ENTPD8: variants seen among roughly 807,000 people sequenced by gnomAD.
ENTPD8 encodes E-NTPDase 8.
Under a neutral mutation model 47.0 loss-of-function variants are expected in ENTPD8, and 35 were observed. The observed-to-expected ratio is 0.75, with a 90% confidence interval of 0.57 to 0.99. The LOEUF is 0.99. ENTPD8 is among the 50% of genes least tolerant of loss of function. The probability of loss-of-function intolerance (pLI) is 0.00; values close to 1 mark genes in which losing one functional copy is unlikely to be tolerated. For missense variants in ENTPD8, 668 were observed against 649.9 expected (o/e 1.03, Z -0.30); for synonymous variants, 308 against 290.5 (o/e 1.06, Z -0.61).
rs751049999 is a variant in ENTPD8, at chr9:137,438,266, T to G, written c.20A>C (p.Glu7Ala). Residue 7 changes from glutamate (E) to alanine (A), a missense_variant, in exon 2 of 10, where the codon GAG (glutamate) becomes GCG (alanine). Physicochemically the swap from Glu to Ala is moderately radical, Grantham distance 107. Coordinates refer to ENST00000371506, the MANE Select transcript of ENTPD8 (RefSeq NM_001033113.2). The surrounding 1 kb of genome is among the most constrained non-coding windows in gnomAD (Gnocchi z 5.7). ...CCCCAGCAGGGCCAAGAAGACCTGC[T>G]CCTTCCGGGACAGCCCCATGGTGCA... MGLSRK[E>A]QVFLALLGAS... The G allele has an allele frequency of 6.3e-7, 1 of 1,591,980 alleles. No homozygotes were observed. Among genetic ancestry groups the G allele is most frequent in the East Asian group, 2.3e-5 (1 of 44,222 alleles).
rs752288031 is a variant in ENTPD8 at position 137,434,610 on chromosome 9, G to GC, written c.*303dup. ...CTCCGTGGTCTTGCCCTGTTTGCAGGCAGCATGTGGCCCTGCAGTCACACA... is the reference window on the plus strand; with the variant it reads ...CTCCGTGGTCTTGCCCTGTTTGCAGGCCAGCATGTGGCCCTGCAGTCACACA... On this transcript the variant is annotated 3_prime_UTR_variant, in exon 10 of 10. Transcript: ENST00000371506. 51 of 581,090 alleles carry GC rather than the reference G, an allele frequency of 8.8e-5. No homozygotes were observed. The highest frequency in any genetic ancestry group is 1.4e-4 in the Non-Finnish European group (46 of 337,542). 36.0% of individuals were successfully genotyped at this position (581,090 alleles called of 1,614,324 possible). A position where few individuals can be genotyped will look rare whatever the true frequency, so the allele number is the denominator to read the frequency against.
rs966215450 is a variant in ENTPD8, at chr9:137,434,965, C to G, written c.1437G>C (p.Leu479=). ...VAKVVFMVLA[L]VAVVGAALVQ... ...CCAAGGCAGCCCCCACCACCGCCACCAGGGCCAGCACCATGAACACCACTT... is the reference window on the plus strand; with the variant it reads ...CCAAGGCAGCCCCCACCACCGCCACGAGGGCCAGCACCATGAACACCACTT... Residue 479 remains leucine (L), a synonymous_variant, in exon 10 of 10, where the codon CTG becomes CTC. Transcript: ENST00000371506. The G allele has an allele frequency of 2.5e-6, 4 of 1,612,808 alleles. No homozygotes were observed. The African/African-American group carries it at 4.0e-5, about 16-fold the overall frequency.
In ENTPD8 at chr9:137,434,683, TA is replaced by T; in HGVS notation, c.*230del. ...GGCGGCCTGTGTGCAGAAAGGCACCTACGGCCCTGGAAGCCCAGTTGCGGAA... is the reference window on the plus strand; with the variant it reads ...GGCGGCCTGTGTGCAGAAAGGCACCTCGGCCCTGGAAGCCCAGTTGCGGAA... On this transcript the variant is annotated 3_prime_UTR_variant, in exon 10 of 10. Transcript: ENST00000371506. 1.6e-6 allele frequency: 1 copy of T among 635,678 alleles called. No individual in the cohort carries two copies. Among genetic ancestry groups the T allele is most frequent in the Non-Finnish European group, 2.6e-6 (1 of 378,592 alleles). 39.4% of individuals were successfully genotyped at this position (635,678 alleles called of 1,614,324 possible). A position where few individuals can be genotyped will look rare whatever the true frequency, so the allele number is the denominator to read the frequency against.
Position 137,435,211 on chromosome 9 carries a change from C to A in ENTPD8, c.1289G>T (p.Arg430Leu). ...CCCAGGGGAGGCAGTCACCTGCTTT[C>A]GGAACTCGAGGCTGGGCCAGGTCTC... ...SEETWPSLEFRKQAGGVDIGW... is the reference protein window; with the variant it reads ...SEETWPSLEFLKQAGGVDIGW... Residue 430 changes from arginine (R) to leucine (L), a missense_variant, in exon 9 of 10, where the codon CGA becomes CTA. Physicochemically the swap from Arg to Leu is moderately radical, Grantham distance 102. Coordinates refer to ENST00000371506, the MANE Select transcript of ENTPD8 (RefSeq NM_001033113.2). 1.9e-6 allele frequency: 3 copies of A among 1,610,818 alleles called. No homozygotes were observed. The highest frequency in any genetic ancestry group is 2.5e-6 in the Non-Finnish European group (3 of 1,179,364).
chr9:137,434,740 G>A lies in ENTPD8; in HGVS notation c.*174C>T. The A allele has an allele frequency of 2.4e-6, 2 of 829,020 alleles. No individual in the cohort carries two copies. The highest frequency in any genetic ancestry group is 3.6e-6 in the Non-Finnish European group (2 of 553,772). 51.4% of individuals were successfully genotyped at this position (829,020 alleles called of 1,614,324 possible). A position where few individuals can be genotyped will look rare whatever the true frequency, so the allele number is the denominator to read the frequency against. On this transcript the variant is annotated 3_prime_UTR_variant, in exon 10 of 10. Coordinates refer to ENST00000371506, the MANE Select transcript of ENTPD8 (RefSeq NM_001033113.2). ...TTGGGGGAGGGACGCCGGGAGGGGA[G>A]GTCATGCAGCCTCTGTGGCCAGCAC... is the stretch of plus-strand genomic sequence containing the variant.
Position 137,438,263 on chromosome 9 carries a change from T to C in ENTPD8, c.23A>G (p.Gln8Arg). The C allele has an allele frequency of 1.3e-6, 2 of 1,593,608 alleles. No homozygotes were observed. ...GGCCCCCAGCAGGGCCAAGAAGACCTGCTCCTTCCGGGACAGCCCCATGGT... is the reference window on the plus strand; with the variant it reads ...GGCCCCCAGCAGGGCCAAGAAGACCCGCTCCTTCCGGGACAGCCCCATGGT... MGLSRKE[Q>R]VFLALLGASG... Residue 8 changes from glutamine to arginine, a missense_variant, in exon 2 of 10, where the codon CAG (glutamine) becomes CGG (arginine). Physicochemically the swap from Gln to Arg is conservative, Grantham distance 43. Transcript: ENST00000371506. This position sits in a 1 kb window ranked among gnomAD's most constrained non-coding sequence, Gnocchi z 5.7.
chr9:137,437,933 G>A (rs753022448), intron 3 of ENTPD8, 34 bp downstream of exon 3: 1 of 1,564,832 alleles, frequency 6.4e-7, no homozygotes, highest in Non-Finnish European at 8.8e-7. Flanking sequence ...CAACAGGCAG[G>A]TCCCAGCACC....
Position 137,435,319 on chromosome 9 carries a change from C to A in ENTPD8, c.1181G>T (p.Gly394Val). Residue 394 changes from glycine (G) to valine (V), a missense_variant, in exon 9 of 10, where the codon GGG (glycine) becomes GTG (valine). Transcript: ENST00000371506. ...PWKLVEASYP[G>V]QDRWLRDYCA... ...GTAGTCCCGCAGCCAGCGGTCCTGC[C>A]CAGGGTAGCTGGCCTCCACCTGGGG... 3 of 1,611,488 alleles carry A rather than the reference C, an allele frequency of 1.9e-6. No homozygotes were observed. Among genetic ancestry groups the A allele is most frequent in the Non-Finnish European group, 2.5e-6 (3 of 1,179,424 alleles).
At chr9:137,439,824 AC>A (rs1208483104) in intron 1 of ENTPD8, among the ~76,000 whole-genome samples, 1 of 151,080 alleles carries the variant, frequency 6.6e-6, no homozygotes, top group Non-Finnish European at 1.5e-5. Context: ...CACTCAAAAG[AC>A]CCCCAAGACC....
Position 137,438,596 on chromosome 9 carries a change from C to T in ENTPD8, c.-20-291G>A, listed in dbSNP as rs1344051120. Among the ~76,000 whole-genome samples, 1 of 151,370 alleles carries T rather than the reference C, an allele frequency of 6.6e-6. No homozygotes were observed. Among genetic ancestry groups the T allele is most frequent in the Admixed American group, 6.6e-5 (1 of 15,232 alleles). On this transcript the variant is annotated intron_variant, in intron 1 of 9. Coordinates refer to ENST00000371506, the MANE Select transcript of ENTPD8 (RefSeq NM_001033113.2). The surrounding 1 kb of genome is among the most constrained non-coding windows in gnomAD (Gnocchi z 5.7). ...CGTGGCCATAGAGGCATCCCCGGGG[C>T]TCAGACGGCCTCCCGTGGCCATAGA... is the stretch of plus-strand genomic sequence containing the variant.
rs764025097 is a variant in ENTPD8 at position 137,434,505 on chromosome 9, G to A, written c.*409C>T. ...TGCTCAGACAACAGCAGGGAGAGCGGGGGTCCAGGTGGGGCAGCTCCCTCC... is the reference window on the plus strand; with the variant it reads ...TGCTCAGACAACAGCAGGGAGAGCGAGGGTCCAGGTGGGGCAGCTCCCTCC... On this transcript the variant is annotated 3_prime_UTR_variant, in exon 10 of 10. Transcript: ENST00000371506. 3.9e-6 allele frequency: 4 copies of A among 1,032,496 alleles called. No individual in the cohort carries two copies. Among genetic ancestry groups the A allele is most frequent in the Non-Finnish European group, 5.6e-6 (4 of 718,204 alleles). 64.0% of individuals were successfully genotyped at this position (1,032,496 alleles called of 1,614,324 possible).
At position 137,435,845 on chromosome 9, in the gene ENTPD8, G is replaced by A. The variant is rs778531907; in HGVS notation, c.1051-16C>T. The stretch of plus-strand genomic sequence containing the variant: ...TGGAGAAGGCCTGAGTGAGAGGGGA[G>A]GTGGCTGTGCCTTCGCTGTGGCCAC... On this transcript the variant is annotated splice_polypyrimidine_tract_variant and intron_variant, in intron 7 of 9. Transcript: ENST00000371506. 6 of 1,610,922 alleles carry A rather than the reference G, an allele frequency of 3.7e-6. No homozygotes were observed. Among genetic ancestry groups the A allele is most frequent in the Non-Finnish European group, 5.1e-6 (6 of 1,177,880 alleles).
chr9:137,434,375 T>C lies in ENTPD8; in HGVS notation c.*539A>G. 6.4e-7 allele frequency: 1 copy of C among 1,556,360 alleles called. No homozygotes were observed. The highest frequency in any genetic ancestry group is 8.7e-7 in the Non-Finnish European group (1 of 1,150,300). ...ATCAGCCCTAATGATGCTGTGTCCA[T>C]GATGCTTTTAATAAAAACAACCCCC... On this transcript the variant is annotated 3_prime_UTR_variant, in exon 10 of 10. Coordinates refer to ENST00000371506, the MANE Select transcript of ENTPD8 (RefSeq NM_001033113.2).
In ENTPD8 at chr9:137,435,118, C is replaced by T. The variant is rs757181046; in HGVS notation, c.1297-13G>A. On this transcript the variant is annotated splice_polypyrimidine_tract_variant and intron_variant, in intron 9 of 9. Coordinates refer to ENST00000371506, the MANE Select transcript of ENTPD8 (RefSeq NM_001033113.2). ...CCACACCGCCCGCCTGCGGGACACACGGCTGCTCAGGGCTGCGGGGCAGCT... is the reference window on the plus strand; with the variant it reads ...CCACACCGCCCGCCTGCGGGACACATGGCTGCTCAGGGCTGCGGGGCAGCT... 27 of 1,605,896 alleles carry T rather than the reference C, an allele frequency of 1.7e-5. No individual in the cohort carries two copies. Among genetic ancestry groups the T allele is most frequent in the East Asian group, 2.2e-5 (1 of 44,774 alleles).
In ENTPD8 at chr9:137,436,646, T is replaced by C. The variant is rs1379438438; in HGVS notation, c.661A>G (p.Ile221Val). 1 of 1,602,846 alleles carries C rather than the reference T, an allele frequency of 6.2e-7. No homozygotes were observed. The highest frequency in any genetic ancestry group is 1.7e-5 in the Admixed American group (1 of 57,992). The change falls in exon 6 of 10, where the codon ATC becomes GTC. Residue 221 changes from isoleucine (I) to valine (V), a missense_variant. Physicochemically the swap from Ile to Val is conservative, Grantham distance 29. Transcript: ENST00000371506. Reference protein sequence around the residue: ...TQITFVPGGPILDKSTQADFR... With the variant: ...TQITFVPGGPVLDKSTQADFR... ...TCGGCCTGGGTGCTCTTGTCCAAGA[T>C]GGGGCCCCCAGGCACGAACGTGATC...
In ENTPD8 at chr9:137,436,218, AG is replaced by A. The variant is rs1305948177; in HGVS notation, c.844del (p.Leu282TrpfsTer18). ...PCYLSGYQTT[L>X]ALGPLYESPC... is the part of the protein sequence containing the mutation. ...TGACTCATACAGCGGGCCCAGGGCC[AG>A]TGTGGTCTGGTAGCCGCTGAGGTAG... On this transcript the variant is annotated frameshift_variant, in exon 7 of 10. Coordinates refer to ENST00000371506, the MANE Select transcript of ENTPD8 (RefSeq NM_001033113.2). LOFTEE classifies it high-confidence loss of function. 6.2e-7 allele frequency: 1 copy of A among 1,610,700 alleles called. No homozygotes were observed. Among genetic ancestry groups the A allele is most frequent in the Admixed American group, 1.7e-5 (1 of 59,948 alleles).
intron 1 of ENTPD8, among the ~76,000 whole-genome samples, chr9:137,439,898 G>GC (rs1268939471): frequency 3.2e-5 from 3 of 93,234 alleles, no homozygotes; most frequent in Non-Finnish European, 6.2e-5. Flanking sequence ...GACCAGAACA[G>GC]CCCCCCCGAG....
rs1839292646 is a variant in ENTPD8 at position 137,434,856 on chromosome 9, C to T, written c.*58G>A. On this transcript the variant is annotated 3_prime_UTR_variant, in exon 10 of 10. Coordinates refer to ENST00000371506, the MANE Select transcript of ENTPD8 (RefSeq NM_001033113.2). ...ACGGCGCTCAGGGCTCAGGAAGCCT[C>T]CAGCATCCGGGACGCAGCTGCCTGT... 6.6e-7 allele frequency: 1 copy of T among 1,511,216 alleles called. No homozygotes were observed. The highest frequency in any genetic ancestry group is 8.9e-7 in the Non-Finnish European group (1 of 1,128,504). 93.6% of individuals were successfully genotyped at this position (1,511,216 alleles called of 1,614,324 possible).
intron 1 of ENTPD8, among the ~76,000 whole-genome samples, chr9:137,439,456 G>A (rs1026807316): frequency 5.3e-5 from 8 of 152,164 alleles, no homozygotes; most frequent in Admixed American, 3.9e-4. Context: ...CCCGGGAAAC[G>A]TTGCACCCAC....
Sources: gnomAD v4.1 joint callset for allele counts (sites outside exome capture counted in the v4.1 genomes callset) on GRCh38, gnomAD v4.1.1 for gene constraint, Gnocchi (gnomAD v3.1) non-coding constraint, MANE v1.5 for transcripts, NCBI Gene and HGNC (gene_info 2026-07-23, HGNC 2026-07-21) for gene names.